ZNF536: variants seen among roughly 807,000 people sequenced by gnomAD.
The protein encoded by ZNF536 is zinc finger protein 536.
A neutral mutation model predicts 84.5 loss-of-function variants in ZNF536; 13 were observed. The ratio of observed to expected loss-of-function variants is 0.15; its 90% CI spans 0.10 to 0.24. The LOEUF (loss-of-function observed/expected upper bound fraction) is 0.24. ZNF536 is among the 10% of genes least tolerant of loss of function. The probability of loss-of-function intolerance (pLI) is 1.00; values close to 1 mark genes in which losing one functional copy is unlikely to be tolerated. For synonymous variants in ZNF536, 811 were observed against 742.5 expected (o/e 1.09, Z -1.50); for missense variants, 1,536 against 1,747.5 (o/e 0.88, Z 2.16).
At chr19:30,399,436 A>G (rs1359291199) in intron 1 of ZNF536, among the ~76,000 whole-genome samples, 5 of 151,930 alleles carry the variant, frequency 3.3e-5, no homozygotes, top group African/African-American at 1.2e-4. Context: ...CCCATTTGTC[A>G]ATTTTGGCTT....
intron 3 of ZNF536, among the ~76,000 whole-genome samples, chr19:30,543,392 T>C (rs2045411138): frequency 6.6e-6 from 1 of 152,174 alleles, no homozygotes; most frequent in African/African-American, 2.4e-5. Context: ...GGCCAATCAC[T>C]CAACTAGACA....
chr19:30,579,108 G>A (rs1331043925), intron 1 of ZNF536, among the ~76,000 whole-genome samples: 2 of 152,154 alleles, frequency 1.3e-5, no homozygotes, highest in Non-Finnish European at 2.9e-5. Flanking sequence ...GTGAGTTACA[G>A]GCTAGTTGTT....
At chr19:30,546,907 A>G (rs1251649475) in intron 3 of ZNF536, among the ~76,000 whole-genome samples, 1 of 152,222 alleles carries the variant, frequency 6.6e-6, no homozygotes, top group Non-Finnish European at 1.5e-5. Context: ...CCCCTTCTCT[A>G]TCCCACAATG....
intron 1 of ZNF536, among the ~76,000 whole-genome samples, chr19:30,271,299 CTTTTTTTTTTT>C (rs781528411): frequency 6.3e-5 from 7 of 111,844 alleles, no homozygotes; most frequent in Non-Finnish European, 1.2e-4. Context: ...TTTTTCTTTT[CTTTTTTTTTTT>C]TTTTTTTTTG....
intron 1 of ZNF536, among the ~76,000 whole-genome samples, chr19:30,582,192 G>A (rs774083219): frequency 2.0e-5 from 3 of 152,074 alleles, no homozygotes; most frequent in Non-Finnish European, 4.4e-5. Context: ...GGGAGACCGA[G>A]GCAGTGACAC....
chr19:30,262,009 T>G (rs1223610472), intron 1 of ZNF536, among the ~76,000 whole-genome samples: 1 of 152,182 alleles, frequency 6.6e-6, no homozygotes, highest in African/African-American at 2.4e-5. Flanking sequence ...TGCGTCTCAT[T>G]GGCAATGCAA....
chr19:30,318,315 A>G (rs1290191859), intron 2 of ZNF536, among the ~76,000 whole-genome samples: 1 of 152,222 alleles, frequency 6.6e-6, no homozygotes, highest in Non-Finnish European at 1.5e-5. Flanking sequence ...CATATCAGTT[A>G]CATTTATATT....
At chr19:30,310,971 G>A (rs2046483391) in intron 2 of ZNF536, among the ~76,000 whole-genome samples, 1 of 152,216 alleles carries the variant, frequency 6.6e-6, no homozygotes, top group Non-Finnish European at 1.5e-5. Flanking sequence ...TTGCCCGTGG[G>A]TTTTTGTAAG....
chr19:30,668,992 G>C (rs943571324), intron 1 of ZNF536, among the ~76,000 whole-genome samples: 2 of 152,198 alleles, frequency 1.3e-5, no homozygotes, highest in Non-Finnish European at 2.9e-5. Flanking sequence ...GTGGGCAGCG[G>C]GGGCAAGGGT....
At chr19:30,598,787 T>C (rs2146893428) in intron 1 of ZNF536, among the ~76,000 whole-genome samples, 1 of 152,302 alleles carries the variant, frequency 6.6e-6, no homozygotes, top group East Asian at 1.9e-4. Flanking sequence ...AATTTGGGGA[T>C]AGCAGTGGTT....
intron 1 of ZNF536, among the ~76,000 whole-genome samples, chr19:30,663,209 T>C (rs2050188847): frequency 6.6e-6 from 1 of 152,160 alleles, no homozygotes. Flanking sequence ...GGTAGTGTCA[T>C]TTAATATCTA....
intron 1 of ZNF536, among the ~76,000 whole-genome samples, chr19:30,406,175 C>T (rs2050254716): frequency 6.6e-6 from 1 of 152,180 alleles, no homozygotes; most frequent in Non-Finnish European, 1.5e-5. Context: ...GTGCAGGGCA[C>T]ATGGGAGAGA....
At chr19:30,485,215 C>G (rs1454840036) in intron 2 of ZNF536, among the ~76,000 whole-genome samples, 1 of 151,932 alleles carries the variant, frequency 6.6e-6, no homozygotes, top group Non-Finnish European at 1.5e-5. Context: ...GGAAATCAGA[C>G]CTTGTTAAGG....
At chr19:30,547,385 C>T (rs2045597350) in intron 3 of ZNF536, among the ~76,000 whole-genome samples, 1 of 152,040 alleles carries the variant, frequency 6.6e-6, no homozygotes, top group South Asian at 2.1e-4. Flanking sequence ...GGAATGGTGC[C>T]CTCCAAATAA....
chr19:30,553,049 T>C (rs2045840371), intron 4 of ZNF536, among the ~76,000 whole-genome samples: 1 of 152,140 alleles, frequency 6.6e-6, no homozygotes, highest in African/African-American at 2.4e-5. Flanking sequence ...CAGGCATGGG[T>C]CACATGTCTT....
At chr19:30,533,749 T>TGAGGCCTAGAGGGTG (rs2044956521) in intron 2 of ZNF536, among the ~76,000 whole-genome samples, 1 of 152,204 alleles carries the variant, frequency 6.6e-6, no homozygotes, top group Non-Finnish European at 1.5e-5. Flanking sequence ...GGATTTACCA[T>TGAGGCCTAGAGGGTG]GAGGCCTAGA....
At chr19:30,439,794 T>C (rs1024615467) in intron 1 of ZNF536, among the ~76,000 whole-genome samples, 3 of 152,036 alleles carry the variant, frequency 2.0e-5, no homozygotes, top group Non-Finnish European at 2.9e-5. Flanking sequence ...GTCAGTTAAG[T>C]TCTAAAGGGA....
intron 1 of ZNF536, among the ~76,000 whole-genome samples, chr19:30,240,339 C>A (rs2023849924): frequency 6.6e-6 from 1 of 151,930 alleles, no homozygotes; most frequent in Non-Finnish European, 1.5e-5. Context: ...TGTCACTACA[C>A]TCCAGCCTGG....
At chr19:30,397,474 A>C (rs1027394630) in intron 1 of ZNF536, among the ~76,000 whole-genome samples, 2 of 152,176 alleles carry the variant, frequency 1.3e-5, no homozygotes, top group African/African-American at 4.8e-5. Flanking sequence ...ATTATTCAGG[A>C]TATTACTATT....
Sources: allele counts gnomAD v4.1 joint callset (sites outside exome capture counted in the v4.1 genomes callset), GRCh38; gene constraint gnomAD v4.1.1; transcripts MANE v1.5; gene names NCBI Gene and HGNC (gene_info 2026-07-23, HGNC 2026-07-21).